NKAIN2: variants seen among roughly 807,000 people sequenced by gnomAD.
NKAIN2 encodes sodium/potassium-transporting ATPase subunit beta-1-interacting protein 2.
A neutral mutation model predicts 32.6 loss-of-function variants in NKAIN2; 14 were observed. The observed-to-expected ratio is 0.43, with a 90% CI of 0.28 to 0.67. The LOEUF (loss-of-function observed/expected upper bound fraction) is 0.67, where lower values mean the gene tolerates loss of function less well. NKAIN2 is among the 30% of genes least tolerant of loss of function. The probability of loss-of-function intolerance (pLI) is 0.17; values close to 1 mark genes in which losing one functional copy is unlikely to be tolerated. For synonymous variants in NKAIN2, 80 were observed against 87.2 expected (o/e 0.92, Z 0.46); for missense variants, 198 against 258.3 (o/e 0.77, Z 1.60).
intron 1 of NKAIN2, among the ~76,000 whole-genome samples, chr6:123,925,115 T>C (rs1582789562): frequency 6.6e-6 from 1 of 152,356 alleles, no homozygotes; most frequent in Admixed American, 6.5e-5. Flanking sequence ...CCATGGTTTC[T>C]ATTATAGGTA....
At chr6:124,148,750 T>TGGCCATCATGAATAATTTTTC in intron 1 of NKAIN2, among the ~76,000 whole-genome samples, 1 of 152,334 alleles carries the variant, frequency 6.6e-6, no homozygotes, top group South Asian at 2.1e-4. Flanking sequence ...TCCCAATTTT[T>TGGCCATCATGAATAATTTTTC]GGCCATCATG....
chr6:124,178,566 G>A (rs559087658), intron 1 of NKAIN2, among the ~76,000 whole-genome samples: 1 of 152,136 alleles, frequency 6.6e-6, no homozygotes, highest in East Asian at 1.9e-4. Context: ...CAAAGTGCTG[G>A]GATTACAGGC....
chr6:123,939,786 A>G lies in NKAIN2; in HGVS notation c.54+135532A>G, dbSNP rs186316342. Among the ~76,000 whole-genome samples, 1,354 of 152,074 alleles carry G rather than the reference A, an allele frequency of 8.9e-3. 6 individuals carry two copies. The highest frequency in any genetic ancestry group is 0.013 in the Non-Finnish European group (891 of 67,916). ...TATTCCATCTCCAGTTTTTCAAGTC[A>G]TGATTCTTCCAGCCACACTTTTTTT... On this transcript the variant is annotated intron_variant, in intron 1 of 6. Coordinates refer to ENST00000368417, the MANE Select transcript of NKAIN2 (RefSeq NM_001040214.3).
intron 1 of NKAIN2, among the ~76,000 whole-genome samples, chr6:124,149,635 A>G (rs1787596915): frequency 6.6e-6 from 1 of 152,216 alleles, no homozygotes; most frequent in African/African-American, 2.4e-5. Context: ...TTCCATTAAT[A>G]TCTATATCTA....
chr6:124,020,037 A>G (rs1780796464), intron 1 of NKAIN2, among the ~76,000 whole-genome samples: 1 of 152,104 alleles, frequency 6.6e-6, no homozygotes, highest in Non-Finnish European at 1.5e-5. Flanking sequence ...GTTTAATACC[A>G]TTGTTCACTT....
intron 3 of NKAIN2, among the ~76,000 whole-genome samples, chr6:124,446,367 G>A (rs1023375607): frequency 2.0e-5 from 3 of 151,868 alleles, no homozygotes; most frequent in Non-Finnish European, 4.4e-5. Flanking sequence ...GTTTGAGACA[G>A]GGTCTTGCTC....
chr6:123,931,023 G>C (rs537012480), intron 1 of NKAIN2, among the ~76,000 whole-genome samples: 15 of 151,924 alleles, frequency 9.9e-5, no homozygotes, highest in African/African-American at 3.4e-4. Context: ...ATGAAGGCGG[G>C]GCAGGTGTTC....
At chr6:124,120,423 T>G (rs1257723151) in intron 1 of NKAIN2, among the ~76,000 whole-genome samples, 1 of 152,144 alleles carries the variant, frequency 6.6e-6, no homozygotes, top group Non-Finnish European at 1.5e-5. Flanking sequence ...TACTTAAGAT[T>G]TATTGAAAAC....
chr6:124,266,620 C>T (rs1409631898), intron 1 of NKAIN2, among the ~76,000 whole-genome samples: 1 of 152,154 alleles, frequency 6.6e-6, no homozygotes, highest in Non-Finnish European at 1.5e-5. Context: ...TACTACTTGG[C>T]TAGCCTCTCC....
At chr6:124,725,745 C>G (rs1776256143) in intron 4 of NKAIN2, among the ~76,000 whole-genome samples, 2 of 152,150 alleles carry the variant, frequency 1.3e-5, no homozygotes, top group African/African-American at 2.4e-5. Context: ...CTACAGCTCC[C>G]AGTGTGAGCG....
intron 3 of NKAIN2, among the ~76,000 whole-genome samples, chr6:124,592,383 T>A (rs1352356260): frequency 6.6e-6 from 1 of 152,166 alleles, no homozygotes; most frequent in Non-Finnish European, 1.5e-5. Context: ...ACACGGCTTG[T>A]GTCATCAGGA....
At chr6:124,793,307 C>T (rs926053416) in intron 5 of NKAIN2, among the ~76,000 whole-genome samples, 4 of 152,086 alleles carry the variant, frequency 2.6e-5, no homozygotes, top group Admixed American at 6.5e-5. Flanking sequence ...AGCGCCTATA[C>T]AAGAGAAGAC....
chr6:124,801,710 C>A (rs565666527), intron 5 of NKAIN2, among the ~76,000 whole-genome samples: 1 of 152,146 alleles, frequency 6.6e-6, no homozygotes, highest in East Asian at 1.9e-4. Flanking sequence ...AAAGTTCAGA[C>A]AAGGAAAGGG....
intron 1 of NKAIN2, 25 bp downstream of exon 1, chr6:123,804,279 T>G (rs1285458158): frequency 6.3e-7 from 1 of 1,595,464 alleles, no homozygotes; most frequent in Admixed American, 1.7e-5. Flanking sequence ...GGTCCCCTTA[T>G]TCTGTAATGT....
chr6:124,817,699 T>TAA (rs1355883799), intron 5 of NKAIN2, among the ~76,000 whole-genome samples: 2 of 152,144 alleles, frequency 1.3e-5, no homozygotes, highest in African/African-American at 4.8e-5. Flanking sequence ...TAAAAACATA[T>TAA]AAAATAGGAG....
At chr6:124,017,944 G>T (rs561173577) in intron 1 of NKAIN2, among the ~76,000 whole-genome samples, 1 of 152,244 alleles carries the variant, frequency 6.6e-6, no homozygotes, top group African/African-American at 2.4e-5. Flanking sequence ...TCTGTGTGTG[G>T]GCTCACACCC....
chr6:124,099,245 T>G (rs114577580), intron 1 of NKAIN2, among the ~76,000 whole-genome samples: 2,794 of 152,336 alleles, frequency 0.018, 78 homozygotes, highest in African/African-American at 0.061. Flanking sequence ...TTATCCCATT[T>G]AATTCCTGTA....
At chr6:124,639,375 C>T (rs948107399) in intron 3 of NKAIN2, among the ~76,000 whole-genome samples, 4 of 152,128 alleles carry the variant, frequency 2.6e-5, no homozygotes, top group Non-Finnish European at 4.4e-5. Flanking sequence ...GCTGGGAGTG[C>T]GATGGCTCAT....
chr6:124,611,247 C>T (rs1317354274), intron 3 of NKAIN2, among the ~76,000 whole-genome samples: 1 of 151,844 alleles, frequency 6.6e-6, no homozygotes, highest in Non-Finnish European at 1.5e-5. Context: ...AGAAATTTAG[C>T]TTAAGACATA....
Sources: allele counts gnomAD v4.1 joint callset (sites outside exome capture counted in the v4.1 genomes callset), GRCh38; gene constraint gnomAD v4.1.1; transcripts MANE v1.5; gene names NCBI Gene and HGNC (gene_info 2026-07-23, HGNC 2026-07-21).